The following ATP6V0A2 variants were observed in gnomAD, a reference collection of about 807,000 sequenced individuals.
ATP6V0A2 encodes ATPase H+ transporting V0 subunit a2, also known as V-type proton ATPase 116 kDa subunit a 2.
ATP6V0A2 carries 58 observed loss-of-function variants against 104.4 expected under a neutral mutation model. The observed-to-expected ratio is 0.56, with a 90% CI of 0.45 to 0.69. The LOEUF is 0.69. ATP6V0A2 is among the 30% of genes least tolerant of loss of function. The pLI, the probability that ATP6V0A2 is intolerant of heterozygous loss-of-function variation, is 0.00. For missense variants in ATP6V0A2, 938 were observed against 1,062.9 expected (o/e 0.88, Z 1.63); for synonymous variants, 376 against 397.9 (o/e 0.95, Z 0.65).
intron 9 of ATP6V0A2, among the ~76,000 whole-genome samples, chr12:123,741,945 A>G (rs1956613309): frequency 6.6e-6 from 1 of 152,116 alleles, no homozygotes; most frequent in Non-Finnish European, 1.5e-5. Flanking sequence ...GAATGCAAAC[A>G]CGTCGGGTCC....
chr12:123,734,018 A>G lies in ATP6V0A2; in HGVS notation c.731+10A>G. On this transcript the variant is annotated intron_variant, in intron 7 of 19. Transcript: ENST00000330342. ...AGAAGATATGTGATTGGTAAGAAAAAGAAACATTTCATTTCATTTATGTCT... is the reference window on the plus strand; with the variant it reads ...AGAAGATATGTGATTGGTAAGAAAAGGAAACATTTCATTTCATTTATGTCT... 1 of 1,601,534 alleles carries G rather than the reference A, an allele frequency of 6.2e-7. No individual in the cohort carries two copies. The highest frequency in any genetic ancestry group is 8.6e-7 in the Non-Finnish European group (1 of 1,169,194).
intron 6 of ATP6V0A2, among the ~76,000 whole-genome samples, chr12:123,730,440 C>T (rs562219077): frequency 3.6e-4 from 55 of 152,222 alleles, no homozygotes; most frequent in African/African-American, 1.2e-3. Context: ...GGAGCCACCG[C>T]GCCCAGCCTG....
chr12:123,754,916 G>A (rs145528773), intron 18 of ATP6V0A2: 16 of 270,790 alleles, frequency 5.9e-5, no homozygotes, highest in African/African-American at 3.3e-4. Context: ...GCCTTACCAA[G>A]TGTGAATATC....
chr12:123,750,776 A>C (rs1316152004), intron 15 of ATP6V0A2: 2 of 353,090 alleles, frequency 5.7e-6, no homozygotes, highest in Admixed American at 4.0e-5. Context: ...GAATATACAA[A>C]ATATTCTGCT....
rs1418239655 is a variant in ATP6V0A2, at chr12:123,760,280, A to G, written c.*2248A>G. The G allele has an allele frequency of 1.3e-5, 2 of 152,190 alleles. No homozygotes were observed. The highest frequency in any genetic ancestry group is 4.8e-5 in the African/African-American group (2 of 41,452). The allele number at this position is 152,190 out of a possible 1,614,324, so 9.4% of individuals were successfully genotyped here. Reference sequence around the variant, plus strand: ...TGCAGTCATTTCTCTGTTGAAATCTATGTAGTATTTATGTAGAATGTCATT... The same window carrying G: ...TGCAGTCATTTCTCTGTTGAAATCTGTGTAGTATTTATGTAGAATGTCATT... On this transcript the variant is annotated 3_prime_UTR_variant, in exon 20 of 20. Coordinates refer to ENST00000330342, the MANE Select transcript of ATP6V0A2 (RefSeq NM_012463.4).
At chr12:123,713,058 T>C (rs945470636) in intron 1 of ATP6V0A2, among the ~76,000 whole-genome samples, 1 of 151,758 alleles carries the variant, frequency 6.6e-6, no homozygotes, top group Admixed American at 6.6e-5. Flanking sequence ...CCAGAAAAGG[T>C]TTGCCATAAA....
At chr12:123,751,652 T>C (rs1258807976) in intron 16 of ATP6V0A2, among the ~76,000 whole-genome samples, 2 of 151,914 alleles carry the variant, frequency 1.3e-5, no homozygotes, top group African/African-American at 4.8e-5. Context: ...AGACTCTGTC[T>C]CAAAATAAAT....
In ATP6V0A2 at chr12:123,724,707, G is replaced by A; in HGVS notation, c.348G>A (p.Glu116=). The change falls in exon 4 of 20, where the codon GAG becomes GAA. Residue 116 remains glutamate (E), a synonymous_variant. Coordinates refer to ENST00000330342, the MANE Select transcript of ATP6V0A2 (RefSeq NM_012463.4). Reference sequence around the variant, plus strand: ...TGAGAGAAGTCACTAAGAACAAGGAGAAACTGAGGAAAAACTTGCTGGAAC... The same window carrying A: ...TGAGAGAAGTCACTAAGAACAAGGAAAAACTGAGGAAAAACTTGCTGGAAC... ...VELREVTKNK[E]KLRKNLLELI... is the part of the protein sequence containing the mutation. 2.5e-6 allele frequency: 4 copies of A among 1,613,850 alleles called. No homozygotes were observed. Among genetic ancestry groups the A allele is most frequent in the Non-Finnish European group, 3.4e-6 (4 of 1,179,902 alleles).
chr12:123,744,859 C>A lies in ATP6V0A2; in HGVS notation c.1515-23C>A. On this transcript the variant is annotated intron_variant, in intron 12 of 19. Coordinates refer to ENST00000330342, the MANE Select transcript of ATP6V0A2 (RefSeq NM_012463.4). This position sits in a 1 kb window ranked among gnomAD's most constrained non-coding sequence, Gnocchi z 5.4. The stretch of plus-strand genomic sequence containing the variant: ...GACCTTCCTCCTCCCAGGTCAGCCT[C>A]CTCACTCTGCTTTTTGTTACAGTGA... The A allele has an allele frequency of 6.2e-7, 1 of 1,614,082 alleles. No individual in the cohort carries two copies. The highest frequency in any genetic ancestry group is 2.2e-5 in the East Asian group (1 of 44,886).
At chr12:123,746,639 T>TAAAAA (rs760374381) in intron 13 of ATP6V0A2, among the ~76,000 whole-genome samples, 1 of 83,586 alleles carries the variant, frequency 1.2e-5, no homozygotes, top group East Asian at 3.3e-4. Flanking sequence ...CCCCTTACCT[T>TAAAAA]AAAAAAAAAA....
chr12:123,726,427 G>A, intron 5 of ATP6V0A2, 142 bp downstream of exon 5: 1 of 680,220 alleles, frequency 1.5e-6, no homozygotes. Context: ...AAGAAACACT[G>A]TATTCCTGTA....
At chr12:123,747,777 C>T in intron 14 of ATP6V0A2, 52 bp downstream of exon 14, 2 of 1,261,400 alleles carry the variant, frequency 1.6e-6, no homozygotes, top group Non-Finnish European at 2.3e-6. Flanking sequence ...CTTGGCATTT[C>T]TTCAATTTTG....
intron 13 of ATP6V0A2, 94 bp downstream of exon 13, chr12:123,745,066 T>G: frequency 8.0e-7 from 1 of 1,248,854 alleles, no homozygotes; most frequent in Non-Finnish European, 1.2e-6. Context: ...TGAGCAGGGT[T>G]CACGCTGCCC....
intron 16 of ATP6V0A2, among the ~76,000 whole-genome samples, chr12:123,752,012 C>A (rs1457869977): frequency 6.6e-6 from 1 of 152,026 alleles, no homozygotes; most frequent in African/African-American, 2.4e-5. Flanking sequence ...GCGCCCGCCA[C>A]CACGCCCTGC....
rs947716971 is a variant in ATP6V0A2 at position 123,757,076 on chromosome 12, C to G, written c.2465+90C>G. ...CCCAACCAAATATACACAGCCCCTG[C>G]AAAATCTAATGCTGAATTTAGGCCA... On this transcript the variant is annotated intron_variant, in intron 19 of 19. Transcript: ENST00000330342. 1.6e-5 allele frequency: 22 copies of G among 1,372,174 alleles called. No individual in the cohort carries two copies. The South Asian group carries it at 2.5e-4, about 16-fold the overall frequency. 85.0% of individuals were successfully genotyped at this position (1,372,174 alleles called of 1,614,324 possible). A position where few individuals can be genotyped will look rare whatever the true frequency, so the allele number is the denominator to read the frequency against.
At chr12:123,715,745 C>T (rs1043671666) in intron 1 of ATP6V0A2, among the ~76,000 whole-genome samples, 3 of 152,196 alleles carry the variant, frequency 2.0e-5, no homozygotes, top group Admixed American at 1.3e-4. Context: ...TTGGCTAATA[C>T]TGGACAATCA....
chr12:123,742,795 C>G (rs1289077316), intron 9 of ATP6V0A2, among the ~76,000 whole-genome samples: 1 of 151,788 alleles, frequency 6.6e-6, no homozygotes, highest in East Asian at 1.9e-4. Context: ...GAGATCACAC[C>G]ACTGCACTCC....
Position 123,753,606 on chromosome 12 carries a change from A to G in ATP6V0A2, c.2176-814A>G, listed in dbSNP as rs147303205. On this transcript the variant is annotated intron_variant, in intron 17 of 19. Transcript: ENST00000330342. ...CCTCAAAGGTTCTGTCTTCAAATAC[A>G]GTCACATTGCGGTTAGGGCTTCAGC... Among the ~76,000 whole-genome samples, 14 of 152,340 alleles carry G rather than the reference A, an allele frequency of 9.2e-5. No homozygotes were observed. The East Asian group carries it at 9.6e-4, about 10-fold the overall frequency.
At chr12:123,752,531 C>A in intron 17 of ATP6V0A2, 129 bp downstream of exon 17, 1 of 1,121,436 alleles carries the variant, frequency 8.9e-7, no homozygotes, top group Non-Finnish European at 1.3e-6. Flanking sequence ...GCCTCCACAA[C>A]TATGAGAAAC....
Sources: gnomAD v4.1 joint callset for allele counts (sites outside exome capture counted in the v4.1 genomes callset) on GRCh38, gnomAD v4.1.1 for gene constraint, Gnocchi (gnomAD v3.1) non-coding constraint, MANE v1.5 for transcripts, NCBI Gene and HGNC (gene_info 2026-07-23, HGNC 2026-07-21) for gene names.